The following FNIP1 variants were observed in gnomAD, a reference collection of about 807,000 sequenced individuals.
FNIP1 encodes the protein folliculin interacting protein 1.
A neutral mutation model predicts 124.5 loss-of-function variants in FNIP1; 40 were observed. The observed-to-expected ratio is 0.32, with a 90% CI of 0.25 to 0.42. The LOEUF (loss-of-function observed/expected upper bound fraction) is 0.42. Among genes scored for constraint, FNIP1 ranks in the 10% least tolerant of loss-of-function variants. The pLI is 1.00. For synonymous variants in FNIP1, 472 were observed against 470.6 expected (o/e 1.00, Z -0.04); for missense variants, 1,176 against 1,403.7 (o/e 0.84, Z 2.59).
chr5:131,646,674 T>C (rs928018545), intron 17 of FNIP1, among the ~76,000 whole-genome samples: 2 of 152,130 alleles, frequency 1.3e-5, no homozygotes, highest in African/African-American at 4.8e-5. Context: ...TAGACAGATA[T>C]AATATATAGT....
chr5:131,794,940 T>C (rs958297682), intron 1 of FNIP1, among the ~76,000 whole-genome samples: 1 of 152,208 alleles, frequency 6.6e-6, no homozygotes, highest in Non-Finnish European at 1.5e-5. Context: ...ATGGGGGTGG[T>C]GGGTACACAA....
intron 1 of FNIP1, among the ~76,000 whole-genome samples, chr5:131,791,396 G>C (rs1772401416): frequency 1.3e-5 from 2 of 152,098 alleles, no homozygotes; most frequent in South Asian, 4.1e-4. Context: ...GGGGCAACCA[G>C]GTAGGTAACT....
intron 15 of FNIP1, among the ~76,000 whole-genome samples, chr5:131,667,062 G>A (rs1767625002): frequency 6.6e-6 from 1 of 152,102 alleles, no homozygotes; most frequent in Admixed American, 6.6e-5. Context: ...AACTAGAAAC[G>A]GTTCCTTTAC....
In FNIP1 at chr5:131,745,074, C is replaced by G. The variant is rs534808576; in HGVS notation, c.93-384G>C. On this transcript the variant is annotated intron_variant, in intron 1 of 17. Coordinates refer to ENST00000510461, the MANE Select transcript of FNIP1 (RefSeq NM_133372.3). ...CCCATATTTTTAAGTAGTTTTGTTA[C>G]TATTTCTCCAATATGGAAATGTGAA... Among the ~76,000 whole-genome samples the G allele has an allele frequency of 2.4e-4, 36 of 151,208 alleles. No individual in the cohort carries two copies. The South Asian group carries it at 6.9e-3, about 29-fold the overall frequency.
intron 1 of FNIP1, among the ~76,000 whole-genome samples, chr5:131,747,886 A>G (rs189596978): frequency 2.1e-4 from 32 of 152,264 alleles, no homozygotes; most frequent in Admixed American, 5.2e-4. Flanking sequence ...GGAGAAATAC[A>G]AGGCCTCTGA....
intron 11 of FNIP1, among the ~76,000 whole-genome samples, chr5:131,691,964 T>G (rs1262770675): frequency 1.3e-5 from 2 of 152,094 alleles, no homozygotes; most frequent in Non-Finnish European, 2.9e-5. Flanking sequence ...GGTCAAGATG[T>G]GTCCTCTCAC....
chr5:131,744,605 C>G lies in FNIP1; in HGVS notation c.178G>C (p.Asp60His). The change falls in exon 2 of 18, where the codon GAC becomes CAC. Residue 60 changes from aspartate to histidine, a missense_variant. This residue lies in a region of FNIP1 where 1,109 missense variants were observed against 1,288.5 expected (regional missense o/e 0.86). Coordinates refer to ENST00000510461, the MANE Select transcript of FNIP1 (RefSeq NM_133372.3). ...CERRGRNVLFDSSVKRRNEDI... is the reference protein window; with the variant it reads ...CERRGRNVLFHSSVKRRNEDI... Reference sequence around the variant, plus strand: ...TCATTTCTTCTCTTAACACTGGAGTCAAACAAAACATTTCTCCCTCGTCTT... The same window carrying G: ...TCATTTCTTCTCTTAACACTGGAGTGAAACAAAACATTTCTCCCTCGTCTT... 2 of 1,611,102 alleles carry G rather than the reference C, an allele frequency of 1.2e-6. No homozygotes were observed. Among genetic ancestry groups the G allele is most frequent in the Non-Finnish European group, 1.7e-6 (2 of 1,178,536 alleles).
At position 131,688,695 on chromosome 5, in the gene FNIP1, T is replaced by C. The variant is rs1399125694; in HGVS notation, c.1203-9520A>G. ...CATTTAAAAAATCAAAAGGAAATGC[T>C]AGCAATTAAAAAAAAAAAAAAAAGG... On this transcript the variant is annotated intron_variant, in intron 11 of 17. Coordinates refer to ENST00000510461, the MANE Select transcript of FNIP1 (RefSeq NM_133372.3). Among the ~76,000 whole-genome samples, 3 of 109,470 alleles carry C rather than the reference T, an allele frequency of 2.7e-5. No homozygotes were observed. The East Asian group carries it at 7.1e-4, about 26-fold the overall frequency. 71.8% of individuals were successfully genotyped at this position (109,470 alleles called of 152,430 possible).
At chr5:131,761,558 G>A (rs1286788769) in intron 1 of FNIP1, among the ~76,000 whole-genome samples, 1 of 152,068 alleles carries the variant, frequency 6.6e-6, no homozygotes, top group African/African-American at 2.4e-5. Context: ...CACCAAAGAA[G>A]TGAAAGGTCT....
intron 5 of FNIP1, among the ~76,000 whole-genome samples, chr5:131,717,586 A>C (rs1188582400): frequency 1.3e-5 from 2 of 152,224 alleles, no homozygotes; most frequent in Non-Finnish European, 2.9e-5. Flanking sequence ...ATCATTAGGC[A>C]AATATCCAAA....
intron 15 of FNIP1, among the ~76,000 whole-genome samples, chr5:131,659,640 T>C (rs908328532): frequency 6.6e-6 from 1 of 152,206 alleles, no homozygotes; most frequent in Non-Finnish European, 1.5e-5. Context: ...ACTGTGTGGG[T>C]GACTCCATCG....
In FNIP1 at chr5:131,796,845, G is replaced by T. The variant is rs769932800; in HGVS notation, c.77C>A (p.Pro26Gln). Residue 26 changes from proline (P) to glutamine (Q), a missense_variant, in exon 1 of 18, where the codon CCA becomes CAA. By Grantham distance (76) the Pro-to-Gln change is moderately conservative. Around this residue, in one of 2 missense-constraint regions of FNIP1, gnomAD observed 1,109 missense variants for 1,288.5 expected, o/e 0.86. Coordinates refer to ENST00000510461, the MANE Select transcript of FNIP1 (RefSeq NM_133372.3). ...AGCGCCCTACCTGAACCCGCAATCT[G>T]GGTCCCGGGCGTCGCGGCCGGGCGC... ...LGAPGRDARD[P>Q]DCGFSWPLPE... 1 of 1,597,606 alleles carries T rather than the reference G, an allele frequency of 6.3e-7. No individual in the cohort carries two copies. Among genetic ancestry groups the T allele is most frequent in the East Asian group, 2.3e-5 (1 of 44,240 alleles).
intron 3 of FNIP1, among the ~76,000 whole-genome samples, chr5:131,721,941 A>G (rs1300656165): frequency 6.6e-6 from 1 of 152,234 alleles, no homozygotes; most frequent in Non-Finnish European, 1.5e-5. Flanking sequence ...GGCAAATATC[A>G]CTTTTTACCT....
Position 131,672,834 on chromosome 5 carries a change from T to C in FNIP1, c.1610A>G (p.Tyr537Cys), listed in dbSNP as rs1767804268. The change falls in exon 14 of 18, where the codon TAT becomes TGT. Residue 537 changes from tyrosine (Y) to cysteine (C), a missense_variant. By Grantham distance (194) the Tyr-to-Cys change is radical. Around this residue, in one of 2 missense-constraint regions of FNIP1, gnomAD observed 1,109 missense variants for 1,288.5 expected, o/e 0.86. Coordinates refer to ENST00000510461, the MANE Select transcript of FNIP1 (RefSeq NM_133372.3). ...KRQDMVQRLL[Y>C]FLTYFIRCSE... ...GCATCTTATAAAATAAGTAAGAAAA[T>C]AAAGTAGCCTCTGGACCATGTCTTG... 3.1e-6 allele frequency: 5 copies of C among 1,612,952 alleles called. No individual in the cohort carries two copies. Among genetic ancestry groups the C allele is most frequent in the Non-Finnish European group, 4.2e-6 (5 of 1,179,670 alleles).
chr5:131,698,907 C>T lies in FNIP1; in HGVS notation c.1202+10G>A, dbSNP rs751120460. ...AATTACTGCATTATGGAAAGCTGGGCAATATGTACCTGAATTCATTTAGGG... is the reference window on the plus strand; with the variant it reads ...AATTACTGCATTATGGAAAGCTGGGTAATATGTACCTGAATTCATTTAGGG... On this transcript the variant is annotated intron_variant, in intron 11 of 17. Coordinates refer to ENST00000510461, the MANE Select transcript of FNIP1 (RefSeq NM_133372.3). The T allele has an allele frequency of 3.8e-6, 6 of 1,595,800 alleles. No homozygotes were observed. Among genetic ancestry groups the T allele is most frequent in the Middle Eastern group, 1.7e-4 (1 of 6,002 alleles).
intron 1 of FNIP1, among the ~76,000 whole-genome samples, chr5:131,772,397 A>T (rs1232124672): frequency 7.0e-6 from 1 of 143,468 alleles, no homozygotes; most frequent in Non-Finnish European, 1.5e-5. Context: ...TGTAAACTGT[A>T]TCTGAATAAA....
chr5:131,785,142 TA>T lies in FNIP1; in HGVS notation c.92+11687del, dbSNP rs1457105597. Among the ~76,000 whole-genome samples, 15 of 14,434 alleles carry T rather than the reference TA, an allele frequency of 1.0e-3. 1 individual carries two copies. Among genetic ancestry groups the T allele is most frequent in the East Asian group, 2.4e-3 (3 of 1,240 alleles). 9.5% of individuals were successfully genotyped at this position (14,434 alleles called of 152,430 possible). On this transcript the variant is annotated intron_variant, in intron 1 of 17. Coordinates refer to ENST00000510461, the MANE Select transcript of FNIP1 (RefSeq NM_133372.3). ...TATATGATATATATGACTATATATA[TA>T]GTCATATATATGATATATATGACTA... is the stretch of plus-strand genomic sequence containing the variant.
Position 131,670,464 on chromosome 5 carries a change from T to C in FNIP1, c.3107A>G (p.Gln1036Arg). ...TCAAAAACAGTGAAGGTCACTCACC[T>C]GCACAGCATGAGATAAATCTGACAT... is the stretch of plus-strand genomic sequence containing the variant. The part of the protein sequence containing the change: ...CLMSDLSHAV[Q>R]HPVLDEPIAE... The change falls in exon 15 of 18, where the codon CAG becomes CGG. Residue 1036 changes from glutamine to arginine, a missense_variant and splice_region_variant. Around this residue, in one of 2 missense-constraint regions of FNIP1, gnomAD observed 1,109 missense variants for 1,288.5 expected, o/e 0.86. Coordinates refer to ENST00000510461, the MANE Select transcript of FNIP1 (RefSeq NM_133372.3). 1 of 1,604,068 alleles carries C rather than the reference T, an allele frequency of 6.2e-7. No homozygotes were observed. Among genetic ancestry groups the C allele is most frequent in the Non-Finnish European group, 8.5e-7 (1 of 1,176,728 alleles).
At chr5:131,770,273 T>C (rs1330338313) in intron 1 of FNIP1, among the ~76,000 whole-genome samples, 5 of 152,222 alleles carry the variant, frequency 3.3e-5, no homozygotes, top group African/African-American at 7.2e-5. Context: ...TGAGTTCAAG[T>C]AGACAAGTCT....
Sources: allele counts gnomAD v4.1 joint callset (sites outside exome capture counted in the v4.1 genomes callset), GRCh38; gene constraint gnomAD v4.1.1; regional missense constraint gnomAD v4.1.1; transcripts MANE v1.5; gene names NCBI Gene and HGNC (gene_info 2026-07-23, HGNC 2026-07-21).